The following GNL1 variants were observed in gnomAD, a reference collection of about 807,000 sequenced individuals.
The protein encoded by GNL1 is guanine nucleotide-binding protein-like 1.
A neutral mutation model predicts 75.2 loss-of-function variants in GNL1; 21 were observed. That is an observed-to-expected ratio of 0.28 (90% CI 0.20 to 0.40). The LOEUF (loss-of-function observed/expected upper bound fraction) is 0.40. Among genes scored for constraint, GNL1 ranks in the 10% least tolerant of loss-of-function variants. GNL1 has a pLI of 1.00. For synonymous variants in GNL1, 287 were observed against 303.4 expected, an observed-to-expected ratio of 0.95 and a Z score of 0.56; for missense variants, 579 against 775.0, an observed-to-expected ratio of 0.75 and a Z score of 3.00.
chr6:30,553,457 A>T lies in GNL1; in HGVS notation c.701T>A (p.Leu234His). ...LNKVDLAPPALVVAWKHYFHQ... is the reference protein window; with the variant it reads ...LNKVDLAPPAHVVAWKHYFHQ... ...GAAATAATGCTTCCAGGCAACCACA[A>T]GAGCTGGCGGGGCCAGATCCACCTT... The change falls in exon 6 of 12, where the codon CTT (leucine) becomes CAT (histidine). Residue 234 changes from leucine (L) to histidine (H), a missense_variant. Physicochemically the swap from Leu to His is moderately conservative, Grantham distance 99 (BLOSUM62 -3). Transcript: ENST00000376621. The T allele has an allele frequency of 5.6e-6, 9 of 1,613,044 alleles. No individual in the cohort carries two copies. The highest frequency in any genetic ancestry group is 7.6e-6 in the Non-Finnish European group (9 of 1,179,970).
In GNL1 at chr6:30,554,487, C is replaced by A. The variant is rs1291459969; in HGVS notation, c.600+88G>T. Reference sequence around the variant, plus strand: ...ATTAGAAAGACAGGAAGATAGATACCTCTCTGTCTCCCAACTCTTGCCTCT... The same window carrying A: ...ATTAGAAAGACAGGAAGATAGATACATCTCTGTCTCCCAACTCTTGCCTCT... On this transcript the variant is annotated intron_variant, in intron 5 of 11. Transcript: ENST00000376621. 8.7e-6 allele frequency: 7 copies of A among 802,742 alleles called. 1 individual carries two copies. The highest frequency in any genetic ancestry group is 5.4e-5 in the South Asian group (4 of 74,054). 49.7% of individuals were successfully genotyped at this position (802,742 alleles called of 1,614,324 possible).
intron 5 of GNL1, 106 bp from the exon 6 acceptor site, chr6:30,553,663 T>C: frequency 1.3e-6 from 1 of 748,306 alleles, no homozygotes; most frequent in South Asian, 1.5e-5. Flanking sequence ...GCCCTGGTGG[T>C]AGCAGACTCT....
chr6:30,552,997 G>T lies in GNL1; in HGVS notation c.904+87C>A. 1 of 914,514 alleles carries T rather than the reference G, an allele frequency of 1.1e-6. No individual in the cohort carries two copies. The highest frequency in any genetic ancestry group is 1.6e-5 in the African/African-American group (1 of 61,168). The allele number at this position is 914,514 out of a possible 1,614,324, so 56.6% of individuals were successfully genotyped here. ...TCTTGCACATATCCACCATAGAGGG[G>T]TTGGCTTCAGGAAAGGTGAGCAAAA... is the stretch of plus-strand genomic sequence containing the variant. On this transcript the variant is annotated intron_variant, in intron 7 of 11. Transcript: ENST00000376621. This position sits in a 1 kb window ranked among gnomAD's most constrained non-coding sequence, Gnocchi z 4.5.
In GNL1 at chr6:30,543,735, G is replaced by C. The variant is rs898163514; in HGVS notation, c.*2337C>G. ...ATTTTTGTTGACTGTATCAATGATT[G>C]TAAGAAGTGAACAAAGGGCCAGATA... On this transcript the variant is annotated 3_prime_UTR_variant, in exon 12 of 12. Coordinates refer to ENST00000376621, the MANE Select transcript of GNL1 (RefSeq NM_005275.5). 1.3e-5 allele frequency: 2 copies of C among 152,132 alleles called. No individual in the cohort carries two copies. The highest frequency in any genetic ancestry group is 2.9e-5 in the Non-Finnish European group (2 of 68,024). 9.4% of individuals were successfully genotyped at this position (152,132 alleles called of 1,614,324 possible). A position where few individuals can be genotyped will look rare whatever the true frequency, so the allele number is the denominator to read the frequency against.
Position 30,552,517 on chromosome 6 carries a change from C to T in GNL1, c.1049G>A (p.Gly350Asp). The T allele has an allele frequency of 6.2e-7, 1 of 1,614,112 alleles. No individual in the cohort carries two copies. The highest frequency in any genetic ancestry group is 8.5e-7 in the Non-Finnish European group (1 of 1,179,956). ...ATCCTTGTAGCGCTCTTGGGTTGGG[C>T]CAGTTGGCTCCATTGCTGAATCAGT... ...QQTDSAMEPT[G>D]PTQERYKDGV... The change falls in exon 8 of 12, where the codon GGC becomes GAC. Residue 350 changes from glycine (G) to aspartate (D), a missense_variant. Physicochemically the swap from Gly to Asp is moderately conservative, Grantham distance 94. Transcript: ENST00000376621. The surrounding 1 kb of genome is among the most constrained non-coding windows in gnomAD (Gnocchi z 4.5).
Position 30,545,673 on chromosome 6 carries a change from G to A in GNL1, c.*399C>T. 1 of 230,504 alleles carries A rather than the reference G, an allele frequency of 4.3e-6. No homozygotes were observed. Among genetic ancestry groups the A allele is most frequent in the Non-Finnish European group, 8.4e-6 (1 of 118,428 alleles). 14.3% of individuals were successfully genotyped at this position (230,504 alleles called of 1,614,324 possible). On this transcript the variant is annotated 3_prime_UTR_variant, in exon 12 of 12. Coordinates refer to ENST00000376621, the MANE Select transcript of GNL1 (RefSeq NM_005275.5). ...AGAAGCTCCTGGAATGAGCAGGTCT[G>A]GCGGCAGGGGGCACACAGGGCTGCT...
Position 30,556,264 on chromosome 6 carries a change from C to T in GNL1, c.-61G>A, listed in dbSNP as rs1272859781. 1.3e-5 allele frequency: 21 copies of T among 1,574,812 alleles called. No homozygotes were observed. Among genetic ancestry groups the T allele is most frequent in the Non-Finnish European group, 1.7e-5 (20 of 1,168,146 alleles). The stretch of plus-strand genomic sequence containing the variant: ...GCTCCCGCCGCCTCAACTGACTGCC[C>T]CCCGGGGCAGCCCCCGCCGCAGGGG... On this transcript the variant is annotated 5_prime_UTR_variant, in exon 1 of 12. Coordinates refer to ENST00000376621, the MANE Select transcript of GNL1 (RefSeq NM_005275.5). This position sits in a 1 kb window ranked among gnomAD's most constrained non-coding sequence, Gnocchi z 5.7.
Position 30,546,628 on chromosome 6 carries a change from G to T in GNL1, c.1582+68C>A. ...GAATCCAGGTTTGACCCTCTCTCTG[G>T]CCACAAAGCCCACACCCTTTTACCT... On this transcript the variant is annotated intron_variant, in intron 11 of 11. Transcript: ENST00000376621. The surrounding 1 kb of genome is among the most constrained non-coding windows in gnomAD (Gnocchi z 5.1). 1.5e-6 allele frequency: 2 copies of T among 1,313,824 alleles called. No homozygotes were observed. Among genetic ancestry groups the T allele is most frequent in the Non-Finnish European group, 2.1e-6 (2 of 944,356 alleles). The allele number at this position is 1,313,824 out of a possible 1,614,324, so 81.4% of individuals were successfully genotyped here. A position where few individuals can be genotyped will look rare whatever the true frequency, so the allele number is the denominator to read the frequency against.
In GNL1 at chr6:30,555,372, G is replaced by T. The variant is rs893143171; in HGVS notation, c.240-181C>A. ...AATACTCAGCCTTCTCCTTCTAAAA[G>T]CCCAACTCTCTCCAGCCCCTCTGGA... On this transcript the variant is annotated intron_variant, in intron 2 of 11. Coordinates refer to ENST00000376621, the MANE Select transcript of GNL1 (RefSeq NM_005275.5). The surrounding 1 kb of genome is among the most constrained non-coding windows in gnomAD (Gnocchi z 4.3). Among the ~76,000 whole-genome samples the T allele has an allele frequency of 1.3e-5, 2 of 150,532 alleles. No homozygotes were observed. Among genetic ancestry groups the T allele is most frequent in the Non-Finnish European group, 3.0e-5 (2 of 67,722 alleles).
chr6:30,555,477 T>C lies in GNL1; in HGVS notation c.239+78A>G, dbSNP rs1582517952. The C allele has an allele frequency of 1.8e-5, 26 of 1,409,864 alleles. No individual in the cohort carries two copies. The highest frequency in any genetic ancestry group is 2.4e-5 in the Non-Finnish European group (25 of 1,020,716). The allele number at this position is 1,409,864 out of a possible 1,614,324, so 87.3% of individuals were successfully genotyped here. ...ATCCCAGGCCCACCGTCTTCACCAG[T>C]AGCAGCCCGCTTTCCCCCAAAGCTC... is the stretch of plus-strand genomic sequence containing the variant. On this transcript the variant is annotated intron_variant, in intron 2 of 11. Transcript: ENST00000376621. This position sits in a 1 kb window ranked among gnomAD's most constrained non-coding sequence, Gnocchi z 4.3.
rs977781321 is a variant in GNL1, at chr6:30,545,711, G to A, written c.*361C>T. On this transcript the variant is annotated 3_prime_UTR_variant, in exon 12 of 12. Transcript: ENST00000376621. ...ACACAGGGCTGCTGCTCAAATCGGA[G>A]AATGGCACAAACTCCAAAAGGGAGC... 3 of 272,810 alleles carry A rather than the reference G, an allele frequency of 1.1e-5. No homozygotes were observed. The highest frequency in any genetic ancestry group is 2.1e-5 in the Non-Finnish European group (3 of 145,090). The allele number at this position is 272,810 out of a possible 1,614,324, so 16.9% of individuals were successfully genotyped here. A position where few individuals can be genotyped will look rare whatever the true frequency, so the allele number is the denominator to read the frequency against.
chr6:30,545,994 G>C lies in GNL1; in HGVS notation c.*78C>G. 1.0e-6 allele frequency: 1 copy of C among 957,148 alleles called. No individual in the cohort carries two copies. The highest frequency in any genetic ancestry group is 1.6e-6 in the Non-Finnish European group (1 of 619,360). The allele number at this position is 957,148 out of a possible 1,614,324, so 59.3% of individuals were successfully genotyped here. A position where few individuals can be genotyped will look rare whatever the true frequency, so the allele number is the denominator to read the frequency against. On this transcript the variant is annotated 3_prime_UTR_variant, in exon 12 of 12. Transcript: ENST00000376621. ...AGCAAACAATCTTTATTCACAATTG[G>C]GGTGGCAGAGGGGAGATACCCCCAG...
At position 30,555,500 on chromosome 6, in the gene GNL1, C is replaced by T. The variant is rs1410472552; in HGVS notation, c.239+55G>A. ...AGTAGCAGCCCGCTTTCCCCCAAAG[C>T]TCTGACTTCCGGGTAGGCGGGAAAG... On this transcript the variant is annotated intron_variant, in intron 2 of 11. Transcript: ENST00000376621. The surrounding 1 kb of genome is among the most constrained non-coding windows in gnomAD (Gnocchi z 4.3). 1 of 1,542,828 alleles carries T rather than the reference C, an allele frequency of 6.5e-7. No individual in the cohort carries two copies. The highest frequency in any genetic ancestry group is 8.9e-7 in the Non-Finnish European group (1 of 1,128,640).
In GNL1 at chr6:30,553,467, G is replaced by A. The variant is rs1799927319; in HGVS notation, c.691C>T (p.Pro231Ser). The stretch of plus-strand genomic sequence containing the variant: ...TTCCAGGCAACCACAAGAGCTGGCG[G>A]GGCCAGATCCACCTTGTTCAAAACC... Reference protein sequence around the residue: ...VLVLNKVDLAPPALVVAWKHY... With the variant: ...VLVLNKVDLASPALVVAWKHY... The change falls in exon 6 of 12, where the codon CCG becomes TCG. Residue 231 changes from proline to serine, a missense_variant. Transcript: ENST00000376621. The A allele has an allele frequency of 6.2e-7, 1 of 1,612,832 alleles. No individual in the cohort carries two copies. Among genetic ancestry groups the A allele is most frequent in the African/African-American group, 1.3e-5 (1 of 74,922 alleles).
In GNL1 at chr6:30,554,663, A is replaced by C; in HGVS notation, c.529-17T>G. On this transcript the variant is annotated splice_polypyrimidine_tract_variant and intron_variant, in intron 4 of 11. Transcript: ENST00000376621. Reference sequence around the variant, plus strand: ...CCTCCATGTCTAAAAAGACAGGATCAGGAAGAGAAACTGAAAACAGAGTCC... The same window carrying C: ...CCTCCATGTCTAAAAAGACAGGATCCGGAAGAGAAACTGAAAACAGAGTCC... The C allele has an allele frequency of 6.2e-7, 1 of 1,603,112 alleles. No homozygotes were observed. The highest frequency in any genetic ancestry group is 1.7e-4 in the Middle Eastern group (1 of 6,050).
At position 30,552,135 on chromosome 6, in the gene GNL1, A is replaced by C; in HGVS notation, c.1099+332T>G. On this transcript the variant is annotated intron_variant, in intron 8 of 11. Coordinates refer to ENST00000376621, the MANE Select transcript of GNL1 (RefSeq NM_005275.5). This position sits in a 1 kb window ranked among gnomAD's most constrained non-coding sequence, Gnocchi z 4.5. Reference sequence around the variant, plus strand: ...CACCTCAGCCTCCCAAAGCGCTGGGACTATATAGGCATGAGCCCTCACACA... The same window carrying C: ...CACCTCAGCCTCCCAAAGCGCTGGGCCTATATAGGCATGAGCCCTCACACA... 1 of 292,134 alleles carries C rather than the reference A, an allele frequency of 3.4e-6. No homozygotes were observed. The highest frequency in any genetic ancestry group is 6.3e-6 in the Non-Finnish European group (1 of 157,530). The allele number at this position is 292,134 out of a possible 1,614,324, so 18.1% of individuals were successfully genotyped here.
At position 30,556,339 on chromosome 6, in the gene GNL1, C is replaced by A; in HGVS notation, c.-136G>T. 1 of 976,176 alleles carries A rather than the reference C, an allele frequency of 1.0e-6. No individual in the cohort carries two copies. The highest frequency in any genetic ancestry group is 2.3e-5 in the Admixed American group (1 of 43,112). The allele number at this position is 976,176 out of a possible 1,614,324, so 60.5% of individuals were successfully genotyped here. A position where few individuals can be genotyped will look rare whatever the true frequency, so the allele number is the denominator to read the frequency against. ...CTAGCAGGTGACGTCAGCGGGCGGG[C>A]CCGACAGAATTACCGCCGCGGCGGC... is the stretch of plus-strand genomic sequence containing the variant. On this transcript the variant is annotated 5_prime_UTR_variant, in exon 1 of 12. Coordinates refer to ENST00000376621, the MANE Select transcript of GNL1 (RefSeq NM_005275.5). This position sits in a 1 kb window ranked among gnomAD's most constrained non-coding sequence, Gnocchi z 5.7.
In GNL1 at chr6:30,547,468, C is replaced by T. The variant is rs1220729047; in HGVS notation, c.1162G>A (p.Val388Ile). Residue 388 changes from valine to isoleucine, a missense_variant, in exon 9 of 12, where the codon GTC becomes ATC. Coordinates refer to ENST00000376621, the MANE Select transcript of GNL1 (RefSeq NM_005275.5). The surrounding 1 kb of genome is among the most constrained non-coding windows in gnomAD (Gnocchi z 5.5). Reference protein sequence around the residue: ...NGLVGRKVVSVSRTPGHTRYF... With the variant: ...NGLVGRKVVSISRTPGHTRYF... Reference sequence around the variant, plus strand: ...CGGGTATGGCCCGGGGTTCTGGAGACACTCACGACTTTCCGCCCCACCAGC... The same window carrying T: ...CGGGTATGGCCCGGGGTTCTGGAGATACTCACGACTTTCCGCCCCACCAGC... 1 of 1,613,502 alleles carries T rather than the reference C, an allele frequency of 6.2e-7. No homozygotes were observed. Among genetic ancestry groups the T allele is most frequent in the Non-Finnish European group, 8.5e-7 (1 of 1,179,846 alleles).
chr6:30,553,755 C>T (rs933635495), intron 5 of GNL1, among the ~76,000 whole-genome samples, 198 bp from the exon 6 acceptor site: 1 of 152,124 alleles, frequency 6.6e-6, no homozygotes, highest in Non-Finnish European at 1.5e-5. Flanking sequence ...CAGAGGGCTT[C>T]CTATAGGTCA....
Sources: allele counts gnomAD v4.1 joint callset (sites outside exome capture counted in the v4.1 genomes callset), GRCh38; gene constraint gnomAD v4.1.1; non-coding constraint Gnocchi (gnomAD v3.1); transcripts MANE v1.5; gene names NCBI Gene and HGNC (gene_info 2026-07-23, HGNC 2026-07-21).